NELL2: variants seen among roughly 807,000 people sequenced by gnomAD.
NELL2 encodes neural EGFL like 2.
A neutral mutation model predicts 109.6 loss-of-function variants in NELL2; 41 were observed. The observed-to-expected ratio is 0.37, with a 90% CI of 0.29 to 0.49. NELL2 has a LOEUF of 0.49. NELL2 is among the 20% of genes least tolerant of loss of function. NELL2 has a pLI of 0.98. For missense variants in NELL2, 900 were observed against 1,008.3 expected, an observed-to-expected ratio of 0.89 and a Z score of 1.45; for synonymous variants, 355 against 344.7, an observed-to-expected ratio of 1.03 and a Z score of -0.33.
chr12:44,837,829 C>T lies in NELL2; in HGVS notation c.185-21693G>A, dbSNP rs1156936266. Among the ~76,000 whole-genome samples, 7 of 152,130 alleles carry T rather than the reference C, an allele frequency of 4.6e-5. No individual in the cohort carries two copies. The East Asian group carries it at 9.6e-4, about 21-fold the overall frequency. On this transcript the variant is annotated intron_variant, in intron 2 of 19. Coordinates refer to ENST00000429094, the MANE Select transcript of NELL2 (RefSeq NM_001145108.2). Reference sequence around the variant, plus strand: ...TTTTTGGTAAAAGCAATGTACCTTACTGAATTAAAAAATAGCTTTAATTTC... The same window carrying T: ...TTTTTGGTAAAAGCAATGTACCTTATTGAATTAAAAAATAGCTTTAATTTC...
At chr12:44,801,626 G>A (rs1472582370) in intron 3 of NELL2, among the ~76,000 whole-genome samples, 1 of 152,120 alleles carries the variant, frequency 6.6e-6, no homozygotes, top group Non-Finnish European at 1.5e-5. Context: ...TTGTCTGTAA[G>A]ATAGGAATAA....
chr12:44,514,345 T>C (rs1386976049), intron 19 of NELL2, among the ~76,000 whole-genome samples: 1 of 151,840 alleles, frequency 6.6e-6, no homozygotes, highest in Non-Finnish European at 1.5e-5. Context: ...CCAGAAATGG[T>C]AAATACGGTA....
chr12:44,845,427 G>A (rs1259202240), intron 2 of NELL2, among the ~76,000 whole-genome samples: 2 of 152,132 alleles, frequency 1.3e-5, no homozygotes, highest in Non-Finnish European at 2.9e-5. Context: ...CAATCCACTA[G>A]TCACATAAAG....
At chr12:44,820,913 CTG>C (rs1377819729) in intron 2 of NELL2, among the ~76,000 whole-genome samples, 1 of 148,082 alleles carries the variant, frequency 6.8e-6, no homozygotes, top group African/African-American at 2.5e-5. Flanking sequence ...AGTCACCAGA[CTG>C]TGTTACCTAA....
At chr12:44,591,933 CA>C (rs1944768336) in intron 15 of NELL2, among the ~76,000 whole-genome samples, 1 of 151,984 alleles carries the variant, frequency 6.6e-6, no homozygotes, top group African/African-American at 2.4e-5. Flanking sequence ...AGATTAATAA[CA>C]ATACAAGGTA....
intron 9 of NELL2, among the ~76,000 whole-genome samples, chr12:44,726,089 A>G (rs1939065751): frequency 1.3e-5 from 2 of 152,318 alleles, no homozygotes; most frequent in Admixed American, 1.3e-4. Flanking sequence ...TTATTACTGT[A>G]AAAAGTAATT....
intron 12 of NELL2, among the ~76,000 whole-genome samples, chr12:44,681,202 T>C (rs1278584614): frequency 6.6e-6 from 1 of 150,742 alleles, no homozygotes; most frequent in Non-Finnish European, 1.5e-5. Flanking sequence ...TATGGATCCT[T>C]TATGTCTTTT....
chr12:44,626,027 A>G lies in NELL2; in HGVS notation c.1445-15057T>C, dbSNP rs1946250951. On this transcript the variant is annotated intron_variant, in intron 13 of 19. Coordinates refer to ENST00000429094, the MANE Select transcript of NELL2 (RefSeq NM_001145108.2). ...ATTTTAATCATTAGCCTTCTCTAAC[A>G]TCTCTAAAAAATGTTTTCCCTATAA... 2.6e-5 allele frequency among the ~76,000 whole-genome samples: 4 copies of G among 152,178 alleles called. 1 individual carries two copies. The South Asian group carries it at 6.2e-4, about 24-fold the overall frequency.
intron 2 of NELL2, chr12:44,851,910 C>T (rs1273801766): frequency 7.2e-5 from 11 of 152,176 alleles, no homozygotes; most frequent in Non-Finnish European, 4.4e-5. Flanking sequence ...TCAAAACCTA[C>T]AATGCCATAA....
chr12:44,695,732 T>C lies in NELL2; in HGVS notation c.1318+7994A>G, dbSNP rs573226949. 9.7e-4 allele frequency among the ~76,000 whole-genome samples: 148 copies of C among 152,254 alleles called. 1 individual carries two copies. In the South Asian group the frequency reaches 0.014, roughly 15 times the overall value. On this transcript the variant is annotated intron_variant, in intron 12 of 19. Coordinates refer to ENST00000429094, the MANE Select transcript of NELL2 (RefSeq NM_001145108.2). ...GATTACAATAAAGCTTTCATCATCA[T>C]AGGACTGTTGGAGGAAATAAGATCA...
intron 15 of NELL2, among the ~76,000 whole-genome samples, chr12:44,536,366 T>C (rs958129978): frequency 6.6e-6 from 1 of 152,210 alleles, no homozygotes. Context: ...TATGCTCATA[T>C]TGTGTTTCAC....
intron 12 of NELL2, among the ~76,000 whole-genome samples, chr12:44,671,022 CA>C (rs1468281671): frequency 1.3e-5 from 2 of 152,126 alleles, no homozygotes; most frequent in Admixed American, 6.6e-5. Flanking sequence ...GAAAGTTCTC[CA>C]GGATAGAACA....
chr12:44,808,255 C>T (rs1378405468), intron 3 of NELL2, among the ~76,000 whole-genome samples: 2 of 151,886 alleles, frequency 1.3e-5, no homozygotes, highest in East Asian at 1.9e-4. Context: ...TATGGGATAA[C>T]CTCTGTGTGT....
intron 15 of NELL2, among the ~76,000 whole-genome samples, chr12:44,535,703 TTATAGTAGAG>T (rs1196728676): frequency 6.6e-6 from 1 of 151,902 alleles, no homozygotes; most frequent in African/African-American, 2.4e-5. Context: ...CAACTGAGAC[TTATAGTAGAG>T]TAATAAAACT....
At chr12:44,803,674 G>A (rs1942907385) in intron 3 of NELL2, among the ~76,000 whole-genome samples, 1 of 151,934 alleles carries the variant, frequency 6.6e-6, no homozygotes, top group Non-Finnish European at 1.5e-5. Flanking sequence ...ATGTGATGGA[G>A]CATAAGTTGA....
At chr12:44,678,852 G>C (rs1169347887) in intron 12 of NELL2, among the ~76,000 whole-genome samples, 3 of 152,068 alleles carry the variant, frequency 2.0e-5, no homozygotes, top group Admixed American at 6.6e-5. Context: ...AGAGTAGTAC[G>C]GAGGGGATAT....
chr12:44,548,855 T>C (rs922900888), intron 15 of NELL2, among the ~76,000 whole-genome samples: 1 of 152,212 alleles, frequency 6.6e-6, no homozygotes, highest in Non-Finnish European at 1.5e-5. Flanking sequence ...AAGCACTCTA[T>C]GCTTCTAATT....
chr12:44,789,826 G>C (rs185328064), intron 3 of NELL2, among the ~76,000 whole-genome samples: 2 of 152,138 alleles, frequency 1.3e-5, no homozygotes, highest in Non-Finnish European at 2.9e-5. Flanking sequence ...GAAATGCAAA[G>C]TGCTTTGGAA....
chr12:44,575,665 C>T (rs547089209), intron 15 of NELL2, among the ~76,000 whole-genome samples: 2 of 152,116 alleles, frequency 1.3e-5, no homozygotes, highest in South Asian at 2.1e-4. Flanking sequence ...GGCATGCTTT[C>T]GATAATACAT....
Sources: allele counts gnomAD v4.1 joint callset (sites outside exome capture counted in the v4.1 genomes callset), GRCh38; gene constraint gnomAD v4.1.1; transcripts MANE v1.5; gene names NCBI Gene and HGNC (gene_info 2026-07-23, HGNC 2026-07-21).